The following EEF1AKMT1 variants were observed in gnomAD, a reference collection of about 807,000 sequenced individuals.
The protein encoded by EEF1AKMT1 is EEF1A lysine methyltransferase 1.
Under a neutral mutation model 21.0 loss-of-function variants are expected in EEF1AKMT1, and 18 were observed. The observed-to-expected ratio is 0.86, with a 90% CI of 0.59 to 1.27. The LOEUF (loss-of-function observed/expected upper bound fraction) is 1.27, where lower values mean the gene tolerates loss of function less well. Ranked by LOEUF, EEF1AKMT1 falls within the 50% of genes most tolerant of loss-of-function variation. The pLI is 0.00. For missense variants in EEF1AKMT1, 246 were observed against 258.6 expected (o/e 0.95, Z 0.33); for synonymous variants, 109 against 94.8 (o/e 1.15, Z -0.87).
intron 2 of EEF1AKMT1, among the ~76,000 whole-genome samples, chr13:20,740,990 A>G (rs1031103819): frequency 1.3e-5 from 2 of 151,772 alleles, no homozygotes; most frequent in Non-Finnish European, 2.9e-5. Context: ...GGAGCTCTGG[A>G]GTTATCTTAG....
intron 2 of EEF1AKMT1, among the ~76,000 whole-genome samples, chr13:20,743,658 GC>G (rs1263774510): frequency 1.4e-5 from 2 of 142,786 alleles, no homozygotes; most frequent in South Asian, 2.2e-4. Context: ...TTGACCTTGT[GC>G]TTTTTTTTTT....
intron 1 of EEF1AKMT1, among the ~76,000 whole-genome samples, chr13:20,766,805 G>A (rs1412642035): frequency 6.7e-6 from 1 of 149,210 alleles, no homozygotes; most frequent in Admixed American, 6.6e-5. Context: ...CTGGGCGACA[G>A]AGCAAGACTC....
intron 4 of EEF1AKMT1, among the ~76,000 whole-genome samples, chr13:20,731,141 C>G (rs572631720): frequency 6.6e-6 from 1 of 152,024 alleles, no homozygotes; most frequent in African/African-American, 2.4e-5. Context: ...CTCCATCTCC[C>G]AAATGGCGGG....
chr13:20,740,993 T>C (rs769204403), intron 2 of EEF1AKMT1, among the ~76,000 whole-genome samples: 7 of 152,068 alleles, frequency 4.6e-5, no homozygotes, highest in Non-Finnish European at 8.8e-5. Context: ...GCTCTGGAGT[T>C]ATCTTAGATT....
At chr13:20,735,330 C>CG (rs932554647) in intron 3 of EEF1AKMT1, among the ~76,000 whole-genome samples, 1 of 151,764 alleles carries the variant, frequency 6.6e-6, no homozygotes, top group African/African-American at 2.4e-5. Flanking sequence ...AAGCCTGCCC[C>CG]CCACCATGAC....
intron 1 of EEF1AKMT1, among the ~76,000 whole-genome samples, chr13:20,758,989 C>G (rs574722467): frequency 6.6e-6 from 1 of 152,246 alleles, no homozygotes; most frequent in South Asian, 2.1e-4. Context: ...TAAAACTGGA[C>G]GCCTACCTCT....
chr13:20,749,988 T>C (rs2058931924), intron 2 of EEF1AKMT1, among the ~76,000 whole-genome samples: 1 of 152,206 alleles, frequency 6.6e-6, no homozygotes, highest in Admixed American at 6.5e-5. Flanking sequence ...AAAGCTTTCC[T>C]TCCCTCTTCA....
chr13:20,731,075 C>T (rs2058792200), intron 4 of EEF1AKMT1, among the ~76,000 whole-genome samples: 1 of 152,340 alleles, frequency 6.6e-6, no homozygotes, highest in East Asian at 1.9e-4. Context: ...TGGCTTCATT[C>T]TTCAAGTCAG....
chr13:20,737,779 C>G lies in EEF1AKMT1; in HGVS notation c.171G>C (p.Gln57His). 5.6e-6 allele frequency: 9 copies of G among 1,612,876 alleles called. No homozygotes were observed. The highest frequency in any genetic ancestry group is 7.6e-6 in the Non-Finnish European group (9 of 1,179,478). The change falls in exon 3 of 5, where the codon CAG becomes CAC. Residue 57 changes from glutamine to histidine, a missense_variant. Coordinates refer to ENST00000382758, the MANE Select transcript of EEF1AKMT1 (RefSeq NM_001318939.2). ...CCTGTGCCAGCTGCAGAGCAGTTTC[C>G]TGACTATACCAAAACTGGCTCAGTT... ...NWQLSQFWYS[Q>H]ETALQLAQEA... is the part of the protein sequence containing the mutation.
chr13:20,741,252 G>A (rs2058868986), intron 2 of EEF1AKMT1, among the ~76,000 whole-genome samples: 1 of 151,700 alleles, frequency 6.6e-6, no homozygotes, highest in South Asian at 2.1e-4. Flanking sequence ...ATGTTCACAG[G>A]TTCTGAGTTT....
At chr13:20,732,196 C>T in intron 3 of EEF1AKMT1, 75 bp from the exon 4 acceptor site, 5 of 1,469,208 alleles carry the variant, frequency 3.4e-6, no homozygotes, top group Middle Eastern at 3.6e-4. Flanking sequence ...CTTCACTAAA[C>T]AATACATGGG....
At chr13:20,769,646 A>G (rs1324643381) in intron 1 of EEF1AKMT1, among the ~76,000 whole-genome samples, 1 of 152,228 alleles carries the variant, frequency 6.6e-6, no homozygotes, top group African/African-American at 2.4e-5. Flanking sequence ...TACAAAATCA[A>G]AAAAACATAA....
At position 20,731,820 on chromosome 13, in the gene EEF1AKMT1, GAT is replaced by G; in HGVS notation, c.508+19_508+20del. Reference sequence around the variant, plus strand: ...TAGCCACTGTCAGTGACTTTGATGAGATATGAAATGCAGCACCTACCTGTGCA... The same window carrying G: ...TAGCCACTGTCAGTGACTTTGATGAGATGAAATGCAGCACCTACCTGTGCA... On this transcript the variant is annotated intron_variant, in intron 4 of 4. Transcript: ENST00000382758. 1 of 1,598,340 alleles carries G rather than the reference GAT, an allele frequency of 6.3e-7. No homozygotes were observed. The highest frequency in any genetic ancestry group is 8.5e-7 in the Non-Finnish European group (1 of 1,169,772).
At chr13:20,740,792 G>C (rs2058865760) in intron 2 of EEF1AKMT1, among the ~76,000 whole-genome samples, 1 of 152,056 alleles carries the variant, frequency 6.6e-6, no homozygotes, top group Non-Finnish European at 1.5e-5. Context: ...GACAGAGGGA[G>C]ACTCAGTCTC....
At chr13:20,732,622 C>T (rs537667440) in intron 3 of EEF1AKMT1, among the ~76,000 whole-genome samples, 27 of 152,210 alleles carry the variant, frequency 1.8e-4, no homozygotes, top group African/African-American at 4.1e-4. Context: ...CATGAGCTAC[C>T]GCGCCTGGCC....
chr13:20,761,500 T>G (rs2059001429), intron 1 of EEF1AKMT1, among the ~76,000 whole-genome samples: 1 of 152,218 alleles, frequency 6.6e-6, no homozygotes, highest in African/African-American at 2.4e-5. Context: ...TTTTAAGGTA[T>G]TACAAATAGA....
chr13:20,757,812 C>T (rs1423197215), intron 1 of EEF1AKMT1, among the ~76,000 whole-genome samples, 195 bp from the exon 2 acceptor site: 3 of 152,106 alleles, frequency 2.0e-5, no homozygotes, highest in Non-Finnish European at 4.4e-5. Context: ...ACCTGAAAAA[C>T]CAGGCCACGA....
chr13:20,752,326 G>A (rs1402794039), intron 2 of EEF1AKMT1, among the ~76,000 whole-genome samples: 1 of 151,966 alleles, frequency 6.6e-6, no homozygotes, highest in Non-Finnish European at 1.5e-5. Context: ...GTTCCTTTAT[G>A]CCTAGTTTGT....
intron 4 of EEF1AKMT1, among the ~76,000 whole-genome samples, chr13:20,729,959 GGCT>G (rs1342380734): frequency 6.6e-6 from 1 of 152,168 alleles, no homozygotes; most frequent in Non-Finnish European, 1.5e-5. Context: ...CGTCGCCTTG[GGCT>G]TCTGAAGAAA....
Sources: allele counts gnomAD v4.1 joint callset (sites outside exome capture counted in the v4.1 genomes callset), GRCh38; gene constraint gnomAD v4.1.1; transcripts MANE v1.5; gene names NCBI Gene and HGNC (gene_info 2026-07-23, HGNC 2026-07-21).